PDRG1: variants seen among roughly 807,000 people sequenced by gnomAD.
PDRG1 encodes the protein p53 and DNA damage-regulated protein 1.
PDRG1 carries 14 observed loss-of-function variants against 18.4 expected under a neutral mutation model. The observed-to-expected ratio is 0.76, with a 90% confidence interval of 0.50 to 1.19. The LOEUF (loss-of-function observed/expected upper bound fraction) is 1.19. Ranked by LOEUF, PDRG1 falls within the 50% of genes most tolerant of loss-of-function variation. PDRG1 has a pLI of 0.00. For synonymous variants in PDRG1, 65 were observed against 60.9 expected, an observed-to-expected ratio of 1.07 and a Z score of -0.31; for missense variants, 177 against 160.1, an observed-to-expected ratio of 1.11 and a Z score of -0.57.
At chr20:31,951,049 A>G (rs1209711286) in intron 1 of PDRG1, among the ~76,000 whole-genome samples, 1 of 152,214 alleles carries the variant, frequency 6.6e-6, no homozygotes, top group Non-Finnish European at 1.5e-5. Flanking sequence ...CCTGGCACAT[A>G]GTAAGTAGCT....
chr20:31,951,763 G>C, intron 1 of PDRG1, 112 bp downstream of exon 1: 1 of 1,164,028 alleles, frequency 8.6e-7, no homozygotes. Context: ...TATCGGCCCA[G>C]GTCTGTCGCC....
Position 31,951,943 on chromosome 20 carries a change from C to A in PDRG1, c.19G>T (p.Glu7Ter). Residue 7 changes from glutamate to a stop codon, truncating the protein, a stop_gained, in exon 1 of 5, where the codon GAG becomes TAG. Transcript: ENST00000202017. LOFTEE classifies it high-confidence loss of function. MLSPEA[E>*]RVLRYLVEVE... ...TCTACAAGGTACCGCAGCACTCGCT[C>A]TGCCTCGGGTGATAGCATAGCGCCC... The A allele has an allele frequency of 6.3e-7, 1 of 1,580,446 alleles. No homozygotes were observed. The highest frequency in any genetic ancestry group is 2.4e-5 in the East Asian group (1 of 41,762).
rs200474574 is a variant in PDRG1 at position 31,951,884 on chromosome 20, G to A, written c.78C>T (p.Asp26=). The change falls in exon 1 of 5, where the codon GAC becomes GAT. Residue 26 remains aspartate, a synonymous_variant. Coordinates refer to ENST00000202017, the MANE Select transcript of PDRG1 (RefSeq NM_030815.3). The part of the protein sequence containing the change: ...VEELAEEVLA[D]KRQIVDLDTK... ...CGGAGGGGCCTCTCACCTGCCGCTT[G>A]TCCGCCAGCACCTCCTCGGCGAGCT... The A allele has an allele frequency of 6.3e-7, 1 of 1,585,920 alleles. No homozygotes were observed. Among genetic ancestry groups the A allele is most frequent in the Non-Finnish European group, 8.6e-7 (1 of 1,167,736 alleles).
At chr20:31,950,052 G>A (rs377370000) in intron 2 of PDRG1, among the ~76,000 whole-genome samples, 4 of 152,068 alleles carry the variant, frequency 2.6e-5, no homozygotes, top group East Asian at 1.9e-4. Flanking sequence ...ATACACCCCC[G>A]GCACTCTCTC....
chr20:31,951,852 A>G, intron 1 of PDRG1, 23 bp downstream of exon 1: 1 of 1,549,682 alleles, frequency 6.5e-7, no homozygotes, highest in Non-Finnish European at 8.7e-7. Flanking sequence ...GCCAGGCCCC[A>G]GCGCCGCGGA....
Position 31,951,790 on chromosome 20 carries a change from C to T in PDRG1, c.87+85G>A. ...TCTGTCGCCTCGGAGCCGTTAACCGCCTGTCCAGGTCAACTCACTGCGACC... is the reference window on the plus strand; with the variant it reads ...TCTGTCGCCTCGGAGCCGTTAACCGTCTGTCCAGGTCAACTCACTGCGACC... On this transcript the variant is annotated intron_variant, in intron 1 of 4. Transcript: ENST00000202017. The T allele has an allele frequency of 1.5e-5, 21 of 1,409,020 alleles. No individual in the cohort carries two copies. The South Asian group carries it at 3.0e-4, about 20-fold the overall frequency. The allele number at this position is 1,409,020 out of a possible 1,614,324, so 87.3% of individuals were successfully genotyped here. A position where few individuals can be genotyped will look rare whatever the true frequency, so the allele number is the denominator to read the frequency against.
chr20:31,945,368 T>C lies in PDRG1; in HGVS notation c.*439A>G, dbSNP rs1323068168. 1.3e-5 allele frequency: 2 copies of C among 155,364 alleles called. No individual in the cohort carries two copies. The highest frequency in any genetic ancestry group is 2.4e-5 in the African/African-American group (1 of 41,536). 9.6% of individuals were successfully genotyped at this position (155,364 alleles called of 1,614,324 possible). A position where few individuals can be genotyped will look rare whatever the true frequency, so the allele number is the denominator to read the frequency against. ...ACCACCCATGAGCCTCCTGCTTTAT[T>C]CCAATCGCATGGCACCAGCCTGAAA... On this transcript the variant is annotated 3_prime_UTR_variant, in exon 5 of 5. Transcript: ENST00000202017.
rs2064329690 is a variant in PDRG1 at position 31,948,067 on chromosome 20, T to C, written c.238+741A>G. On this transcript the variant is annotated intron_variant, in intron 3 of 4. Coordinates refer to ENST00000202017, the MANE Select transcript of PDRG1 (RefSeq NM_030815.3). The stretch of plus-strand genomic sequence containing the variant: ...AGCCTGACTTGCTTTAAGATGCTTT[T>C]CCAAAGAGCTTCCAGATTATGGTTG... 2.0e-5 allele frequency among the ~76,000 whole-genome samples: 3 copies of C among 152,174 alleles called. No homozygotes were observed. In the South Asian group the frequency reaches 6.2e-4, roughly 32 times the overall value.
intron 3 of PDRG1, 37 bp downstream of exon 3, chr20:31,948,771 G>A (rs1272604276): frequency 6.4e-7 from 1 of 1,570,688 alleles, no homozygotes; most frequent in Non-Finnish European, 8.7e-7. Flanking sequence ...TGGTGGGAGA[G>A]GCAGCACACC....
chr20:31,950,362 T>G lies in PDRG1; in HGVS notation c.113A>C (p.Asn38Thr), dbSNP rs201481003. 3.7e-5 allele frequency: 60 copies of G among 1,612,918 alleles called. No homozygotes were observed. In the East Asian group the frequency reaches 1.3e-3, roughly 35 times the overall value. ...RQIVDLDTKR[N>T]QNREGLRALQ... ...GGCCCTCAGGCCCTCTCGATTCTGA[T>G]TCCTTTTAGTGTCCAGGTCCACAAT... The change falls in exon 2 of 5, where the codon AAT becomes ACT. Residue 38 changes from asparagine (N) to threonine (T), a missense_variant. Physicochemically the swap from Asn to Thr is moderately conservative, Grantham distance 65. Transcript: ENST00000202017.
chr20:31,950,451 A>G, intron 1 of PDRG1, 64 bp from the exon 2 acceptor site: 1 of 1,280,000 alleles, frequency 7.8e-7, no homozygotes, highest in South Asian at 1.2e-5. Context: ...ACCTCTTGAC[A>G]GACAAGGGTT....
At position 31,951,758 on chromosome 20, in the gene PDRG1, G is replaced by A. The variant is rs892934717; in HGVS notation, c.87+117C>T. The A allele has an allele frequency of 4.5e-6, 5 of 1,103,664 alleles. No individual in the cohort carries two copies. The African/African-American group carries it at 8.2e-5, about 18-fold the overall frequency. 68.4% of individuals were successfully genotyped at this position (1,103,664 alleles called of 1,614,324 possible). A position where few individuals can be genotyped will look rare whatever the true frequency, so the allele number is the denominator to read the frequency against. On this transcript the variant is annotated intron_variant, in intron 1 of 4. Coordinates refer to ENST00000202017, the MANE Select transcript of PDRG1 (RefSeq NM_030815.3). ...CTTAGTAGCGGCCGAATATTTATCGGCCCAGGTCTGTCGCCTCGGAGCCGT... is the reference window on the plus strand; with the variant it reads ...CTTAGTAGCGGCCGAATATTTATCGACCCAGGTCTGTCGCCTCGGAGCCGT...
At chr20:31,946,403 A>G (rs1600644471) in intron 4 of PDRG1, 93 bp downstream of exon 4, 2 of 1,219,240 alleles carry the variant, frequency 1.6e-6, no homozygotes, top group South Asian at 1.2e-5. Flanking sequence ...GACACTGCCC[A>G]TCTCTGAGGG....
At position 31,951,995 on chromosome 20, in the gene PDRG1, G is replaced by T. The variant is rs375178507; in HGVS notation, c.-34C>A. 7.5e-5 allele frequency: 113 copies of T among 1,507,778 alleles called. No individual in the cohort carries two copies. Among genetic ancestry groups the T allele is most frequent in the Non-Finnish European group, 9.6e-5 (109 of 1,131,498 alleles). The allele number at this position is 1,507,778 out of a possible 1,614,324, so 93.4% of individuals were successfully genotyped here. A position where few individuals can be genotyped will look rare whatever the true frequency, so the allele number is the denominator to read the frequency against. On this transcript the variant is annotated 5_prime_UTR_variant, in exon 1 of 5. Coordinates refer to ENST00000202017, the MANE Select transcript of PDRG1 (RefSeq NM_030815.3). ...CCAACTCCGCTTGCGGCTCTCGCGC[G>T]ACCCCGGGATCTCCGCTTCGACTCC... is the stretch of plus-strand genomic sequence containing the variant.
chr20:31,951,215 G>GC (rs2064349818), intron 1 of PDRG1, among the ~76,000 whole-genome samples: 1 of 152,008 alleles, frequency 6.6e-6, no homozygotes, highest in African/African-American at 2.4e-5. Context: ...CACTACCACG[G>GC]CCTACTGAGT....
chr20:31,945,548 C>G lies in PDRG1; in HGVS notation c.*259G>C. The G allele has an allele frequency of 2.5e-6, 1 of 401,370 alleles. No homozygotes were observed. Among genetic ancestry groups the G allele is most frequent in the Non-Finnish European group, 4.5e-6 (1 of 220,882 alleles). The allele number at this position is 401,370 out of a possible 1,614,324, so 24.9% of individuals were successfully genotyped here. A position where few individuals can be genotyped will look rare whatever the true frequency, so the allele number is the denominator to read the frequency against. On this transcript the variant is annotated 3_prime_UTR_variant, in exon 5 of 5. Transcript: ENST00000202017. Reference sequence around the variant, plus strand: ...CCCCCACAGCCACTGCCCCACACACCCACTGGTGGCTACCAAGGCCCGTCA... The same window carrying G: ...CCCCCACAGCCACTGCCCCACACACGCACTGGTGGCTACCAAGGCCCGTCA...
Position 31,945,883 on chromosome 20 carries a change from G to A in PDRG1, c.326C>T (p.Pro109Leu), listed in dbSNP as rs200900452. The change falls in exon 5 of 5, where the codon CCG becomes CTG. Residue 109 changes from proline to leucine, a missense_variant. Pro to Leu is a moderately conservative substitution (Grantham distance 98). Coordinates refer to ENST00000202017, the MANE Select transcript of PDRG1 (RefSeq NM_030815.3). ...VNRLFEAQGK[P>L]ELKGFNLNPL... ...GTTCAAGTTAAAACCCTTCAGCTCC[G>A]GTTTGCCTAGGAGAGAAGATGATCC... 3.0e-5 allele frequency: 49 copies of A among 1,613,074 alleles called. 1 individual carries two copies. In the East Asian group the frequency reaches 4.9e-4, roughly 16 times the overall value.
chr20:31,946,000 T>G, intron 4 of PDRG1, 111 bp from the exon 5 acceptor site: 1 of 810,586 alleles, frequency 1.2e-6, no homozygotes, highest in Non-Finnish European at 2.0e-6. Context: ...CCTGGAGGTC[T>G]GGCAGGGATG....
At chr20:31,949,002 C>G (rs2064335476) in intron 2 of PDRG1, 120 bp from the exon 3 acceptor site, 1 of 828,846 alleles carries the variant, frequency 1.2e-6, no homozygotes, top group African/African-American at 1.7e-5. Flanking sequence ...CCTCTTGGAG[C>G]TTATGTTACA....
Sources: allele counts gnomAD v4.1 joint callset (sites outside exome capture counted in the v4.1 genomes callset), GRCh38; gene constraint gnomAD v4.1.1; transcripts MANE v1.5; gene names NCBI Gene and HGNC (gene_info 2026-07-23, HGNC 2026-07-21).